The following CAMK2D variants were observed in gnomAD, a reference collection of about 807,000 sequenced individuals.
The protein encoded by CAMK2D is calcium/calmodulin dependent protein kinase II delta.
In CAMK2D, 37 loss-of-function variants were observed where a neutral mutation model predicts 84.0. The observed-to-expected ratio is 0.44, with a 90% CI of 0.34 to 0.58. CAMK2D has a LOEUF of 0.58. CAMK2D is among the 20% of genes least tolerant of loss of function. The pLI is 0.02. For synonymous variants in CAMK2D, 202 were observed against 212.5 expected, an observed-to-expected ratio of 0.95 and a Z score of 0.43; for missense variants, 448 against 652.5, an observed-to-expected ratio of 0.69 and a Z score of 3.41.
chr4:113,571,389 C>T (rs1469174376), intron 4 of CAMK2D, among the ~76,000 whole-genome samples: 2 of 152,144 alleles, frequency 1.3e-5, no homozygotes, highest in Non-Finnish European at 2.9e-5. Context: ...ACCTAAGTGT[C>T]CATCAACAGA....
intron 2 of CAMK2D, among the ~76,000 whole-genome samples, chr4:113,698,256 A>G (rs2099408647): frequency 6.6e-6 from 1 of 152,112 alleles, no homozygotes; most frequent in Non-Finnish European, 1.5e-5. Context: ...CTTTTGCACC[A>G]TAATAAAGCT....
intron 2 of CAMK2D, among the ~76,000 whole-genome samples, chr4:113,683,538 G>A (rs1432692292): frequency 2.0e-5 from 3 of 152,186 alleles, no homozygotes; most frequent in Admixed American, 2.0e-4. Context: ...ACACAGATGA[G>A]AGAAAATACA....
intron 12 of CAMK2D, 141 bp downstream of exon 12, chr4:113,513,187 G>C: frequency 6.8e-7 from 1 of 1,479,038 alleles, no homozygotes; most frequent in Non-Finnish European, 8.9e-7. Context: ...AGGTGTAGAA[G>C]GAATCTGTGC....
intron 2 of CAMK2D, among the ~76,000 whole-genome samples, chr4:113,740,986 C>T (rs2099591621): frequency 6.6e-6 from 1 of 152,104 alleles, no homozygotes; most frequent in African/African-American, 2.4e-5. Context: ...TCTTGTAACA[C>T]CTAACTCTGT....
In CAMK2D at chr4:113,661,761, G is replaced by A; in HGVS notation, c.172C>T (p.Leu58=). 1 of 1,475,780 alleles carries A rather than the reference G, an allele frequency of 6.8e-7. No homozygotes were observed. Among genetic ancestry groups the A allele is most frequent in the Non-Finnish European group, 9.2e-7 (1 of 1,087,538 alleles). The allele number at this position is 1,475,780 out of a possible 1,614,324, so 91.4% of individuals were successfully genotyped here. The change falls in exon 3 of 21, where the codon CTA becomes TTA. Residue 58 remains leucine (L), a synonymous_variant. Coordinates refer to ENST00000511664, the MANE Select transcript of CAMK2D (RefSeq NM_001321571.2). ...KKLSARDHQK[L]EREARICRLL... is the part of the protein sequence containing the mutation. ...CGGCAGATTCTAGCTTCTCTTTCTA[G>A]TTTCTGATGATCTGTTAAAAAAAAA...
At chr4:113,709,176 T>C (rs2099477195) in intron 2 of CAMK2D, among the ~76,000 whole-genome samples, 1 of 144,204 alleles carries the variant, frequency 6.9e-6, no homozygotes, top group Admixed American at 7.1e-5. Flanking sequence ...CCATCATCTG[T>C]GAAATAAATT....
At chr4:113,751,753 G>C (rs1208010500) in intron 2 of CAMK2D, among the ~76,000 whole-genome samples, 1 of 152,124 alleles carries the variant, frequency 6.6e-6, no homozygotes, top group Non-Finnish European at 1.5e-5. Context: ...TTGGGCGACA[G>C]AGCGAGACTC....
rs372271031 is a variant in CAMK2D at position 113,575,325 on chromosome 4, T to C, written c.276-23229A>G. ...AAAGAAACACCTCATTCACTTGGTATCATTAGGGACAGGGCTATTTTCTTA... is the reference window on the plus strand; with the variant it reads ...AAAGAAACACCTCATTCACTTGGTACCATTAGGGACAGGGCTATTTTCTTA... On this transcript the variant is annotated intron_variant, in intron 4 of 20. Coordinates refer to ENST00000511664, the MANE Select transcript of CAMK2D (RefSeq NM_001321571.2). Among the ~76,000 whole-genome samples the C allele has an allele frequency of 3.9e-5, 6 of 152,202 alleles. No homozygotes were observed. The East Asian group carries it at 9.6e-4, about 24-fold the overall frequency.
At chr4:113,602,560 A>G (rs2098957773) in intron 4 of CAMK2D, among the ~76,000 whole-genome samples, 2 of 152,224 alleles carry the variant, frequency 1.3e-5, no homozygotes, top group Non-Finnish European at 2.9e-5. Context: ...TCCGCATAAG[A>G]AACTTTACTA....
intron 4 of CAMK2D, among the ~76,000 whole-genome samples, chr4:113,573,635 C>T (rs111946693): frequency 6.6e-6 from 1 of 152,200 alleles, no homozygotes; most frequent in Non-Finnish European, 1.5e-5. Flanking sequence ...AACCAGAAGC[C>T]TCCAGATAAC....
chr4:113,590,075 T>G (rs1332222205), intron 4 of CAMK2D, among the ~76,000 whole-genome samples: 1 of 152,144 alleles, frequency 6.6e-6, no homozygotes, highest in African/African-American at 2.4e-5. Context: ...TCCTACTCAT[T>G]TTGGGCTTCA....
At chr4:113,741,327 A>G (rs866031965) in intron 2 of CAMK2D, among the ~76,000 whole-genome samples, 1 of 152,220 alleles carries the variant, frequency 6.6e-6, no homozygotes, top group African/African-American at 2.4e-5. Flanking sequence ...AGAAGGAGAA[A>G]GAAATTCATG....
chr4:113,690,187 T>TG (rs1057317579), intron 2 of CAMK2D, among the ~76,000 whole-genome samples: 2 of 152,144 alleles, frequency 1.3e-5, no homozygotes, highest in African/African-American at 4.8e-5. Context: ...AGAAAATTCT[T>TG]GAACAATTTA....
Position 113,505,039 on chromosome 4 carries a change from T to C in CAMK2D, c.985-4A>G. ...CCACGTTGGCTTTGTTGTTTATCTG[T>C]GGGTATGCAGAAAATAGAAACAGAG... is the stretch of plus-strand genomic sequence containing the variant. On this transcript the variant is annotated splice_region_variant and splice_polypyrimidine_tract_variant and intron_variant, in intron 13 of 20. Coordinates refer to ENST00000511664, the MANE Select transcript of CAMK2D (RefSeq NM_001321571.2). The C allele has an allele frequency of 6.4e-7, 1 of 1,566,718 alleles. No homozygotes were observed. The highest frequency in any genetic ancestry group is 8.6e-7 in the Non-Finnish European group (1 of 1,162,222).
At chr4:113,719,156 T>G (rs543671988) in intron 2 of CAMK2D, among the ~76,000 whole-genome samples, 26 of 152,298 alleles carry the variant, frequency 1.7e-4, no homozygotes, top group Middle Eastern at 3.4e-3. Context: ...CATCCTTTAT[T>G]CCTGTTAAAT....
At chr4:113,549,556 G>C (rs2098608442) in intron 5 of CAMK2D, among the ~76,000 whole-genome samples, 2 of 152,172 alleles carry the variant, frequency 1.3e-5, no homozygotes, top group Non-Finnish European at 1.5e-5. Flanking sequence ...TAATTAGAGA[G>C]GAGAAATCCT....
intron 2 of CAMK2D, among the ~76,000 whole-genome samples, chr4:113,668,987 GAATA>G: frequency 6.6e-6 from 1 of 152,116 alleles, no homozygotes; most frequent in African/African-American, 2.4e-5. Context: ...GACTGTAAAG[GAATA>G]AATATTGATA....
Position 113,761,018 on chromosome 4 carries a change from G to T in CAMK2D, c.51C>A (p.Phe17Leu). 6.2e-7 allele frequency: 1 copy of T among 1,614,198 alleles called. No individual in the cohort carries two copies. The highest frequency in any genetic ancestry group is 8.5e-7 in the Non-Finnish European group (1 of 1,180,038). ...CTRFTDEYQL[F>L]EELGKGAFSV... ...AAGGTGCTTACTTTCCAAGCTCCTC[G>T]AAAAGCTGATACTCGTCCGTGAACC... The change falls in exon 1 of 21, where the codon TTC (phenylalanine) becomes TTA (leucine). Residue 17 changes from phenylalanine to leucine, a missense_variant. Phe to Leu is a conservative substitution (Grantham distance 22, BLOSUM62 0). This residue lies in a region of CAMK2D where 44 missense variants were observed against 45.6 expected (regional missense o/e 0.96). Transcript: ENST00000511664.
At chr4:113,519,726 T>C (rs1384235308) in intron 8 of CAMK2D, among the ~76,000 whole-genome samples, 1 of 152,218 alleles carries the variant, frequency 6.6e-6, no homozygotes, top group Non-Finnish European at 1.5e-5. Flanking sequence ...AATGTAATAC[T>C]AATAAATTTT....
Sources: allele counts gnomAD v4.1 joint callset (sites outside exome capture counted in the v4.1 genomes callset), GRCh38; gene constraint gnomAD v4.1.1; regional missense constraint gnomAD v4.1.1; transcripts MANE v1.5; gene names NCBI Gene and HGNC (gene_info 2026-07-23, HGNC 2026-07-21).